PREX1: variants seen among roughly 807,000 people sequenced by gnomAD.
PREX1 encodes the protein phosphatidylinositol 3,4,5-trisphosphate-dependent Rac exchanger 1 protein.
PREX1 carries 41 observed loss-of-function variants against 198.3 expected under a neutral mutation model. The ratio of observed to expected loss-of-function variants is 0.21; its 90% CI spans 0.16 to 0.27. The LOEUF (loss-of-function observed/expected upper bound fraction) is 0.27, where lower values mean the gene tolerates loss of function less well. Ranked by LOEUF, PREX1 falls within the 10% of genes least tolerant of loss-of-function variation. PREX1 has a pLI of 1.00. For missense variants in PREX1, 1,620 were observed against 2,200.7 expected, an observed-to-expected ratio of 0.74 and a Z score of 5.28; for synonymous variants, 843 against 887.2, an observed-to-expected ratio of 0.95 and a Z score of 0.89.
intron 10 of PREX1, among the ~76,000 whole-genome samples, chr20:48,687,445 T>C (rs530232680): frequency 2.0e-5 from 3 of 152,346 alleles, no homozygotes; most frequent in Non-Finnish European, 4.4e-5. Flanking sequence ...TTTCAAGTTA[T>C]CCAGAACACA....
intron 1 of PREX1, among the ~76,000 whole-genome samples, chr20:48,756,684 C>T (rs560463661): frequency 8.5e-5 from 13 of 152,298 alleles, no homozygotes; most frequent in Admixed American, 3.3e-4. Context: ...CCATCCACCC[C>T]GGGGCCTTTG....
chr20:48,626,399 C>G (rs946897737), intron 39 of PREX1, among the ~76,000 whole-genome samples: 1 of 152,222 alleles, frequency 6.6e-6, no homozygotes, highest in East Asian at 1.9e-4. Context: ...TCGGACTCCA[C>G]GCCCAGACTG....
chr20:48,883,414 AG>A, the PREX1 span, among the ~76,000 whole-genome samples: 1 of 152,250 alleles, frequency 6.6e-6, no homozygotes, highest in African/African-American at 2.4e-5. Flanking sequence ...CAATTACATA[AG>A]GGGGAAAAGG....
chr20:48,758,386 G>A lies in PREX1; in HGVS notation c.220-10506C>T, dbSNP rs200983106. On this transcript the variant is annotated intron_variant, in intron 1 of 39. Coordinates refer to ENST00000371941, the MANE Select transcript of PREX1 (RefSeq NM_020820.4). Reference sequence around the variant, plus strand: ...CAGAGGAGCGCAGGTGCTGGCAGTGGAGCGTCCCTCTGGTGTGCCCTGGAG... The same window carrying A: ...CAGAGGAGCGCAGGTGCTGGCAGTGAAGCGTCCCTCTGGTGTGCCCTGGAG... 1.1e-4 allele frequency among the ~76,000 whole-genome samples: 17 copies of A among 152,312 alleles called. No individual in the cohort carries two copies. The East Asian group carries it at 1.2e-3, about 10-fold the overall frequency.
At chr20:48,849,558 G>A in the PREX1 span, 1 of 152,140 alleles carries the variant, frequency 6.6e-6, no homozygotes, top group African/African-American at 2.4e-5. Context: ...CAATATCTGT[G>A]GAATGAAAGG....
rs1352375108 is a variant in PREX1 at position 48,639,873 on chromosome 20, C to T, written c.3797G>A (p.Cys1266Tyr). 5 of 1,614,036 alleles carry T rather than the reference C, an allele frequency of 3.1e-6. No homozygotes were observed. The highest frequency in any genetic ancestry group is 3.4e-6 in the Non-Finnish European group (4 of 1,179,974). ...SLQEFKQKEE[C>Y]TIRGRSLIQI... ...GATCAGGCTCCGGCCACGGATTGTA[C>T]ACTCTTCTTTCTGTTTAAACTCTGG... Residue 1266 changes from cysteine (C) to tyrosine (Y), a missense_variant, in exon 30 of 40, where the codon TGT (cysteine) becomes TAT (tyrosine). Around this residue, in one of 7 missense-constraint regions of PREX1, gnomAD observed 476 missense variants for 603.4 expected, o/e 0.79. Transcript: ENST00000371941.
At chr20:48,734,507 C>T (rs769753686) in intron 4 of PREX1, 39 bp downstream of exon 4, 34 of 1,554,722 alleles carry the variant, frequency 2.2e-5, no homozygotes, top group Admixed American at 2.0e-4. Context: ...AGGATGAGGC[C>T]GAGTGCAAGG....
At position 48,651,645 on chromosome 20, in the gene PREX1, G is replaced by A. The variant is rs969630054; in HGVS notation, c.2468-62C>T. On this transcript the variant is annotated intron_variant, in intron 21 of 39. Transcript: ENST00000371941. ...AGAGGGAGGGAGGAAGGCGAGGCGA[G>A]GAGGATTCTGGAGGAAGCCTTCCAG... The A allele has an allele frequency of 3.4e-6, 5 of 1,491,382 alleles. No homozygotes were observed. The East Asian group carries it at 1.2e-4, about 34-fold the overall frequency. 92.4% of individuals were successfully genotyped at this position (1,491,382 alleles called of 1,614,324 possible). A position where few individuals can be genotyped will look rare whatever the true frequency, so the allele number is the denominator to read the frequency against.
At chr20:48,721,133 A>C (rs1027616803) in intron 5 of PREX1, among the ~76,000 whole-genome samples, 2 of 152,228 alleles carry the variant, frequency 1.3e-5, no homozygotes, top group African/African-American at 4.8e-5. Context: ...GTTGGCAAGA[A>C]GACAGGGGTG....
At chr20:48,731,412 T>A (rs1410320755) in intron 4 of PREX1, among the ~76,000 whole-genome samples, 2 of 152,236 alleles carry the variant, frequency 1.3e-5, no homozygotes, top group African/African-American at 4.8e-5. Context: ...CCGACTAGAA[T>A]GGCCACTCTA....
chr20:48,831,948 G>A (rs1436658405), upstream of PREX1, among the ~76,000 whole-genome samples: 1 of 152,138 alleles, frequency 6.6e-6, no homozygotes, highest in Non-Finnish European at 1.5e-5. Flanking sequence ...GGCTGGAGTA[G>A]ATCTCTTCCT....
At chr20:48,841,808 C>G in the PREX1 span, among the ~76,000 whole-genome samples, 1 of 152,198 alleles carries the variant, frequency 6.6e-6, no homozygotes, top group South Asian at 2.1e-4. Context: ...ACCCCCCGCC[C>G]ACCCTACCTG....
chr20:48,638,479 C>T (rs545802929), intron 30 of PREX1, among the ~76,000 whole-genome samples: 3 of 152,364 alleles, frequency 2.0e-5, no homozygotes, highest in Non-Finnish European at 4.4e-5. Context: ...AAAAAAGATG[C>T]TCCTCGGCCC....
intron 1 of PREX1, among the ~76,000 whole-genome samples, chr20:48,807,797 G>A (rs1027630193): frequency 1.3e-5 from 2 of 152,150 alleles, no homozygotes; most frequent in African/African-American, 2.4e-5. Flanking sequence ...GGAAGGTGAC[G>A]TTGACTGATA....
rs765565613 is a variant in PREX1, at chr20:48,642,399, G to A, written c.3684+8C>T. ...AAAGTTGCGCCAGGAGTGGGGCAAA[G>A]GTCCTACCTGGTTAAAGAGGTGCTC... On this transcript the variant is annotated splice_region_variant and intron_variant, in intron 28 of 39. Coordinates refer to ENST00000371941, the MANE Select transcript of PREX1 (RefSeq NM_020820.4). The A allele has an allele frequency of 3.3e-5, 54 of 1,612,092 alleles. No individual in the cohort carries two copies. Among genetic ancestry groups the A allele is most frequent in the Non-Finnish European group, 4.3e-5 (51 of 1,178,662 alleles).
chr20:48,832,243 C>T (rs141220654), upstream of PREX1, among the ~76,000 whole-genome samples: 15 of 152,206 alleles, frequency 9.9e-5, no homozygotes, highest in African/African-American at 2.9e-4. Flanking sequence ...AATACCATTT[C>T]GTTTCTGTTA....
chr20:48,669,406 T>C (rs889234755), intron 14 of PREX1, among the ~76,000 whole-genome samples: 1 of 152,182 alleles, frequency 6.6e-6, no homozygotes, highest in Admixed American at 6.5e-5. Context: ...CAGTCTGAAA[T>C]TAACTCACCC....
chr20:48,744,849 C>T (rs1167185359), intron 3 of PREX1, among the ~76,000 whole-genome samples, 176 bp downstream of exon 3: 1 of 152,200 alleles, frequency 6.6e-6, no homozygotes, highest in East Asian at 1.9e-4. Flanking sequence ...CCTGCTGGGC[C>T]TGACCTACTT....
At chr20:48,782,832 G>C (rs2090295895) in intron 1 of PREX1, among the ~76,000 whole-genome samples, 1 of 152,166 alleles carries the variant, frequency 6.6e-6, no homozygotes, top group African/African-American at 2.4e-5. Context: ...GTGATGAGGA[G>C]TCCCAGGAGG....
Sources: allele counts gnomAD v4.1 joint callset (sites outside exome capture counted in the v4.1 genomes callset), GRCh38; gene constraint gnomAD v4.1.1; regional missense constraint gnomAD v4.1.1; transcripts MANE v1.5; gene names NCBI Gene and HGNC (gene_info 2026-07-23, HGNC 2026-07-21).